The following EPC2 variants were observed in gnomAD, a reference collection of about 807,000 sequenced individuals.
EPC2 encodes enhancer of polycomb 2.
In EPC2, 14 loss-of-function variants were observed where a neutral mutation model predicts 92.1. The ratio of observed to expected loss-of-function variants is 0.15; its 90% confidence interval spans 0.10 to 0.24. EPC2 has a LOEUF of 0.24. Ranked by LOEUF, EPC2 falls within the 10% of genes least tolerant of loss-of-function variation. The pLI is 1.00. For synonymous variants in EPC2, 340 were observed against 334.7 expected, an observed-to-expected ratio of 1.02 and a Z score of -0.17; for missense variants, 755 against 971.5, an observed-to-expected ratio of 0.78 and a Z score of 2.96.
At chr2:148,786,114 G>C (rs1237240435) in intron 13 of EPC2, among the ~76,000 whole-genome samples, 191 bp from the exon 14 acceptor site, 2 of 152,124 alleles carry the variant, frequency 1.3e-5, no homozygotes, top group African/African-American at 2.4e-5. Flanking sequence ...AAAAAATTAG[G>C]AATTAATGGA....
chr2:148,686,856 T>A (rs144079640), intron 1 of EPC2, among the ~76,000 whole-genome samples: 422 of 152,352 alleles, frequency 2.8e-3, no homozygotes, highest in South Asian at 6.2e-3. Context: ...ATTTAGCGTA[T>A]TCTTGAGGGC....
chr2:148,726,822 G>T (rs1574607376), intron 2 of EPC2, among the ~76,000 whole-genome samples: 4 of 69,640 alleles, frequency 5.7e-5, no homozygotes, highest in Non-Finnish European at 9.3e-5. Context: ...TTATATATTT[G>T]GATATTAATT....
intron 2 of EPC2, among the ~76,000 whole-genome samples, chr2:148,699,341 C>T (rs1192926747): frequency 6.6e-6 from 1 of 152,088 alleles, no homozygotes; most frequent in Non-Finnish European, 1.5e-5. Context: ...TTGTATTGTA[C>T]AGTTTTATGG....
intron 1 of EPC2, chr2:148,645,405 C>T (rs1683775629): frequency 2.2e-6 from 1 of 460,644 alleles, no homozygotes; most frequent in South Asian, 2.6e-5. Context: ...GCTGCTTACG[C>T]TGCCGTAAGG....
At chr2:148,711,105 C>T (rs1256135515) in intron 2 of EPC2, among the ~76,000 whole-genome samples, 2 of 150,962 alleles carry the variant, frequency 1.3e-5, no homozygotes, top group African/African-American at 2.4e-5. Context: ...AATTTCTCCT[C>T]TTTTTTTTTC....
At chr2:148,675,909 A>T (rs1681253016) in intron 1 of EPC2, among the ~76,000 whole-genome samples, 1 of 152,204 alleles carries the variant, frequency 6.6e-6, no homozygotes, top group African/African-American at 2.4e-5. Flanking sequence ...AGCCTAATTC[A>T]GTGGATAAAT....
At chr2:148,760,848 A>G (rs1233937981) in intron 4 of EPC2, among the ~76,000 whole-genome samples, 1 of 152,134 alleles carries the variant, frequency 6.6e-6, no homozygotes, top group East Asian at 1.9e-4. Flanking sequence ...TCCAATATGA[A>G]ACCTTTGGTA....
At chr2:148,668,781 T>C (rs1049206203) in intron 1 of EPC2, among the ~76,000 whole-genome samples, 11 of 152,136 alleles carry the variant, frequency 7.2e-5, no homozygotes, top group East Asian at 5.8e-4. Context: ...TCACTTTTTT[T>C]CCCCCCTAAT....
chr2:148,668,759 A>G (rs541356923), intron 1 of EPC2, among the ~76,000 whole-genome samples: 2 of 152,158 alleles, frequency 1.3e-5, no homozygotes, highest in South Asian at 4.2e-4. Flanking sequence ...GATATTGGTC[A>G]TTTGTGTCTT....
intron 2 of EPC2, among the ~76,000 whole-genome samples, chr2:148,707,810 G>C (rs1389346743): frequency 6.6e-6 from 1 of 152,174 alleles, no homozygotes; most frequent in East Asian, 1.9e-4. Flanking sequence ...TGAGAACAAA[G>C]ACACAACATA....
chr2:148,737,634 A>G (rs1270363927), intron 2 of EPC2, among the ~76,000 whole-genome samples: 1 of 152,148 alleles, frequency 6.6e-6, no homozygotes, highest in African/African-American at 2.4e-5. Context: ...CTTCAGTCTG[A>G]TACTATTTGG....
At chr2:148,684,210 T>G (rs1681467032) in intron 1 of EPC2, among the ~76,000 whole-genome samples, 1 of 152,058 alleles carries the variant, frequency 6.6e-6, no homozygotes, top group African/African-American at 2.4e-5. Flanking sequence ...GATGGGATTG[T>G]TTTTTTTCTT....
intron 7 of EPC2, among the ~76,000 whole-genome samples, chr2:148,765,480 T>A (rs1448046724): frequency 2.6e-5 from 4 of 152,194 alleles, no homozygotes; most frequent in Non-Finnish European, 5.9e-5. Flanking sequence ...TTTAAGACAG[T>A]TAATATATAA....
At chr2:148,687,454 T>C (rs923451607) in intron 1 of EPC2, among the ~76,000 whole-genome samples, 2 of 152,230 alleles carry the variant, frequency 1.3e-5, no homozygotes, top group Non-Finnish European at 2.9e-5. Flanking sequence ...TATAATATTT[T>C]GTGATTTCTA....
At chr2:148,716,893 A>G (rs1393582515) in intron 2 of EPC2, among the ~76,000 whole-genome samples, 2 of 152,078 alleles carry the variant, frequency 1.3e-5, no homozygotes, top group Non-Finnish European at 2.9e-5. Context: ...TTGATAGACT[A>G]TTTATTACTG....
chr2:148,693,149 T>A lies in EPC2; in HGVS notation c.313+2776T>A, dbSNP rs575309777. Among the ~76,000 whole-genome samples the A allele has an allele frequency of 1.2e-3, 177 of 152,236 alleles. 1 individual carries two copies. Among genetic ancestry groups the A allele is most frequent in the African/African-American group, 3.8e-3 (159 of 41,548 alleles). On this transcript the variant is annotated intron_variant, in intron 2 of 13. Coordinates refer to ENST00000258484, the MANE Select transcript of EPC2 (RefSeq NM_015630.4). ...TTTTTCCAAGGAAGGTTAAAAAAAATTTTTTTTATGTAACTTTTTGCTAAG... is the reference window on the plus strand; with the variant it reads ...TTTTTCCAAGGAAGGTTAAAAAAAAATTTTTTTATGTAACTTTTTGCTAAG...
chr2:148,776,769 C>T (rs1574637974), intron 10 of EPC2, among the ~76,000 whole-genome samples: 1 of 151,786 alleles, frequency 6.6e-6, no homozygotes, highest in Non-Finnish European at 1.5e-5. Context: ...TGTAATCTAG[C>T]ACTTCGTGAG....
intron 2 of EPC2, among the ~76,000 whole-genome samples, chr2:148,722,166 G>A (rs568788807): frequency 9.9e-4 from 150 of 152,142 alleles, no homozygotes; most frequent in African/African-American, 3.5e-3. Context: ...TGTGTTTTGT[G>A]GGGTGAGATT....
intron 8 of EPC2, 39 bp from the exon 9 acceptor site, chr2:148,770,753 C>G: frequency 6.4e-7 from 1 of 1,573,958 alleles, no homozygotes; most frequent in Non-Finnish European, 8.6e-7. Flanking sequence ...CAGATTTACT[C>G]CATGAGTTTT....
Sources: gnomAD v4.1 joint callset for allele counts (sites outside exome capture counted in the v4.1 genomes callset) on GRCh38, gnomAD v4.1.1 for gene constraint, MANE v1.5 for transcripts, NCBI Gene and HGNC (gene_info 2026-07-23, HGNC 2026-07-21) for gene names.